The following TRPC6 variants were observed in gnomAD, a reference collection of about 807,000 sequenced individuals.
TRPC6 encodes transient receptor potential cation channel subfamily C member 6.
TRPC6 carries 55 observed loss-of-function variants against 90.7 expected under a neutral mutation model. That is an observed-to-expected ratio of 0.61 (90% confidence interval 0.49 to 0.76). The LOEUF (loss-of-function observed/expected upper bound fraction) is 0.76. Among genes scored for constraint, TRPC6 ranks in the 30% least tolerant of loss-of-function variants. The probability of loss-of-function intolerance (pLI) is 0.00; values close to 1 mark genes in which losing one functional copy is unlikely to be tolerated. For missense variants in TRPC6, 989 were observed against 1,122.7 expected (o/e 0.88, Z 1.70); for synonymous variants, 393 against 393.0 (o/e 1.00, Z 0.00).
chr11:101,506,904 C>G (rs575579678), intron 1 of TRPC6, among the ~76,000 whole-genome samples: 21 of 151,584 alleles, frequency 1.4e-4, no homozygotes, highest in Non-Finnish European at 2.8e-4. Flanking sequence ...AATGTTATAA[C>G]CACATAGCTT....
chr11:101,551,512 A>G (rs201177874), intron 1 of TRPC6, among the ~76,000 whole-genome samples: 5 of 95,798 alleles, frequency 5.2e-5, no homozygotes, highest in South Asian at 4.7e-4. Flanking sequence ...CATTCTTTAG[A>G]AAAAAAAACT....
At chr11:101,473,441 T>C in intron 7 of TRPC6, 68 bp downstream of exon 7, 2 of 1,563,580 alleles carry the variant, frequency 1.3e-6, no homozygotes, top group Non-Finnish European at 1.8e-6. Flanking sequence ...TGGACTTACA[T>C]AAACGCTGTT....
At chr11:101,506,196 T>C (rs984862912) in intron 1 of TRPC6, among the ~76,000 whole-genome samples, 1 of 147,860 alleles carries the variant, frequency 6.8e-6, no homozygotes, top group Non-Finnish European at 1.5e-5. Flanking sequence ...AAAGAAGGCA[T>C]GTTTTTGCAG....
At chr11:101,508,030 A>G (rs1251898711) in intron 1 of TRPC6, among the ~76,000 whole-genome samples, 2 of 152,154 alleles carry the variant, frequency 1.3e-5, no homozygotes, top group East Asian at 3.9e-4. Context: ...GATTATATCT[A>G]TGAAAATTGC....
chr11:101,482,942 T>C lies in TRPC6; in HGVS notation c.1510+7A>G. The C allele has an allele frequency of 6.2e-7, 1 of 1,613,702 alleles. No homozygotes were observed. The highest frequency in any genetic ancestry group is 1.1e-5 in the South Asian group (1 of 91,064). On this transcript the variant is annotated splice_region_variant and intron_variant, in intron 5 of 12. Coordinates refer to ENST00000344327, the MANE Select transcript of TRPC6 (RefSeq NM_004621.6). ...AACAGAAAACATGACAGAAAATCAG[T>C]CTTTACCTATTACCCAGGATATAAT...
At chr11:101,542,291 G>A (rs7131328) in intron 1 of TRPC6, among the ~76,000 whole-genome samples, 38,700 of 152,070 alleles carry the variant, frequency 0.25, 5,747 homozygotes, top group Non-Finnish European at 0.34. Flanking sequence ...TATAAATAGG[G>A]TGCTAATTAA....
chr11:101,499,182 T>C (rs1351062990), intron 2 of TRPC6, among the ~76,000 whole-genome samples: 1 of 152,194 alleles, frequency 6.6e-6, no homozygotes, highest in Admixed American at 6.5e-5. Context: ...TTGTCATGTA[T>C]TGAAATGTAA....
intron 1 of TRPC6, among the ~76,000 whole-genome samples, chr11:101,548,886 A>T (rs1365062915): frequency 2.0e-5 from 3 of 152,050 alleles, no homozygotes; most frequent in African/African-American, 7.2e-5. Flanking sequence ...TTGTCAAAAA[A>T]TATATACGGT....
At chr11:101,492,686 T>C (rs573269865) in intron 2 of TRPC6, among the ~76,000 whole-genome samples, 5 of 151,894 alleles carry the variant, frequency 3.3e-5, no homozygotes, top group Admixed American at 1.3e-4. Context: ...ATCATCTCCT[T>C]CATGGGCACA....
intron 2 of TRPC6, among the ~76,000 whole-genome samples, 171 bp from the exon 3 acceptor site, chr11:101,491,909 T>A (rs555406521): frequency 6.9e-6 from 1 of 144,302 alleles, no homozygotes; most frequent in East Asian, 2.0e-4. Flanking sequence ...GGCACAATCT[T>A]GGCTCACTGC....
chr11:101,491,679 C>T lies in TRPC6; in HGVS notation c.1005G>A (p.Leu335=). 2 of 1,613,920 alleles carry T rather than the reference C, an allele frequency of 1.2e-6. No individual in the cohort carries two copies. Among genetic ancestry groups the T allele is most frequent in the Non-Finnish European group, 1.7e-6 (2 of 1,179,992 alleles). Residue 335 remains leucine (L), a synonymous_variant, in exon 3 of 13, where the codon CTG becomes CTA. Coordinates refer to ENST00000344327, the MANE Select transcript of TRPC6 (RefSeq NM_004621.6). ...CKDFVVGLLD[L]CRNTEEVEAI... ...CCTCGACTTCTTCAGTGTTTCTGCA[C>T]AGATCAAGGAGTCCAACAACAAAGT...
At chr11:101,464,400 TCTCA>T (rs1237378480) in intron 10 of TRPC6, among the ~76,000 whole-genome samples, 1 of 152,204 alleles carries the variant, frequency 6.6e-6, no homozygotes, top group Non-Finnish European at 1.5e-5. Flanking sequence ...TGTTAGAGTC[TCTCA>T]CTATTATTGT....
At chr11:101,498,483 T>C (rs1860006568) in intron 2 of TRPC6, among the ~76,000 whole-genome samples, 1 of 152,094 alleles carries the variant, frequency 6.6e-6, no homozygotes, top group Admixed American at 6.6e-5. Flanking sequence ...ATACATGTGG[T>C]GATATGAGTA....
At chr11:101,553,534 A>G (rs2136846727) in intron 1 of TRPC6, among the ~76,000 whole-genome samples, 1 of 152,228 alleles carries the variant, frequency 6.6e-6, no homozygotes. Context: ...GTTAGTTTAA[A>G]GCAAGTAATG....
intron 1 of TRPC6, among the ~76,000 whole-genome samples, chr11:101,535,362 G>T (rs1359820579): frequency 1.3e-5 from 2 of 150,716 alleles, no homozygotes; most frequent in African/African-American, 4.9e-5. Context: ...GGATACCTTA[G>T]TTACTAGCCC....
intron 1 of TRPC6, among the ~76,000 whole-genome samples, chr11:101,568,776 GA>G (rs1861891960): frequency 6.6e-6 from 1 of 152,112 alleles, no homozygotes. Context: ...CTTCATAAGC[GA>G]AGGGCAAATA....
intron 6 of TRPC6, among the ~76,000 whole-genome samples, chr11:101,475,333 A>G (rs1449868096): frequency 6.6e-6 from 1 of 152,110 alleles, no homozygotes; most frequent in African/African-American, 2.4e-5. Flanking sequence ...GCACAACTTG[A>G]TGTTTTCATA....
Position 101,546,050 on chromosome 11 carries a change from CTTTTTTTTTTTTTT to C in TRPC6, c.170+37270_170+37283del, listed in dbSNP as rs1166182552. ...TGGATCTAGTATCACATTTATAACT[CTTTTTTTTTTTTTT>C]TTTTTTTTTTTTTTTTTTGAGACGG... On this transcript the variant is annotated intron_variant, in intron 1 of 12. Transcript: ENST00000344327. Among the ~76,000 whole-genome samples the C allele has an allele frequency of 5.4e-4, 16 of 29,728 alleles. 1 individual carries two copies. Among genetic ancestry groups the C allele is most frequent in the African/African-American group, 1.4e-3 (11 of 7,736 alleles). 19.5% of individuals were successfully genotyped at this position (29,728 alleles called of 152,430 possible). A position where few individuals can be genotyped will look rare whatever the true frequency, so the allele number is the denominator to read the frequency against.
intron 2 of TRPC6, among the ~76,000 whole-genome samples, chr11:101,500,460 G>A (rs1335230434): frequency 1.3e-5 from 2 of 151,650 alleles, no homozygotes; most frequent in African/African-American, 2.4e-5. Context: ...CACCCACCTC[G>A]GCCTCCCAAA....
Sources: allele counts gnomAD v4.1 joint callset (sites outside exome capture counted in the v4.1 genomes callset), GRCh38; gene constraint gnomAD v4.1.1; transcripts MANE v1.5; gene names NCBI Gene and HGNC (gene_info 2026-07-23, HGNC 2026-07-21).